The following TJP1 variants were observed in gnomAD, a reference collection of about 807,000 sequenced individuals.
TJP1 encodes the protein tight junction protein 1.
TJP1 carries 43 observed loss-of-function variants against 194.2 expected under a neutral mutation model. The ratio of observed to expected loss-of-function variants is 0.22; its 90% CI spans 0.17 to 0.29. TJP1 has a LOEUF of 0.29. Among genes scored for constraint, TJP1 ranks in the 10% least tolerant of loss-of-function variants. TJP1 has a pLI of 1.00. For synonymous variants in TJP1, 801 were observed against 779.0 expected, an observed-to-expected ratio of 1.03 and a Z score of -0.47; for missense variants, 1,971 against 2,185.7, an observed-to-expected ratio of 0.90 and a Z score of 1.96.
intron 2 of TJP1, among the ~76,000 whole-genome samples, chr15:29,845,347 A>G (rs1031844816): frequency 6.6e-6 from 1 of 152,214 alleles, no homozygotes; most frequent in African/African-American, 2.4e-5. Flanking sequence ...CTGACTATTC[A>G]TCCCAGGAAA....
intron 8 of TJP1, among the ~76,000 whole-genome samples, chr15:29,754,584 AT>A (rs2151468971): frequency 6.6e-6 from 1 of 152,322 alleles, no homozygotes; most frequent in East Asian, 1.9e-4. Flanking sequence ...AGAAAAAAAA[AT>A]GCTCATCAAT....
intron 2 of TJP1, among the ~76,000 whole-genome samples, chr15:29,887,293 T>C (rs1596187180): frequency 1.4e-5 from 2 of 148,130 alleles, no homozygotes; most frequent in East Asian, 3.9e-4. Flanking sequence ...TATAAATATA[T>C]ACATATATAT....
intron 2 of TJP1, among the ~76,000 whole-genome samples, chr15:29,899,072 G>A (rs1223219218): frequency 1.3e-5 from 2 of 152,154 alleles, no homozygotes. Flanking sequence ...ACATTACTGG[G>A]ATGATAATAA....
At chr15:29,928,239 G>A (rs2054586482) in intron 2 of TJP1, among the ~76,000 whole-genome samples, 1 of 152,120 alleles carries the variant, frequency 6.6e-6, no homozygotes. Flanking sequence ...TTTTGGCAGA[G>A]AACTGTAAAC....
At chr15:29,968,210 T>C in intron 1 of TJP1, 1 of 985,396 alleles carries the variant, frequency 1.0e-6, no homozygotes, top group Non-Finnish European at 1.2e-6. Flanking sequence ...GCTCGTCCTC[T>C]ACTATGCACT....
At chr15:29,855,855 C>T (rs991766729) in intron 2 of TJP1, among the ~76,000 whole-genome samples, 1 of 142,820 alleles carries the variant, frequency 7.0e-6, no homozygotes, top group African/African-American at 2.6e-5. Context: ...AACTCCATCT[C>T]AAAGAAAAAA....
chr15:29,705,982 A>G (rs984980679), intron 25 of TJP1, among the ~76,000 whole-genome samples: 1 of 152,164 alleles, frequency 6.6e-6, no homozygotes, highest in Non-Finnish European at 1.5e-5. Context: ...CCCAGGCTGG[A>G]GTGCAGTGGC....
At chr15:29,934,330 A>C (rs939178780) in intron 2 of TJP1, among the ~76,000 whole-genome samples, 2 of 152,230 alleles carry the variant, frequency 1.3e-5, no homozygotes, top group Non-Finnish European at 2.9e-5. Context: ...TGCCAGTTTA[A>C]GGTACAGCAT....
chr15:29,811,352 AAC>A (rs2049487716), intron 1 of TJP1, among the ~76,000 whole-genome samples: 2 of 147,468 alleles, frequency 1.4e-5, no homozygotes, highest in South Asian at 4.4e-4. Flanking sequence ...ATTTCAGAAA[AAC>A]AGATTGTAAG....
At chr15:29,853,527 A>C (rs2051727064) in intron 2 of TJP1, among the ~76,000 whole-genome samples, 1 of 152,208 alleles carries the variant, frequency 6.6e-6, no homozygotes, top group Non-Finnish European at 1.5e-5. Flanking sequence ...TCTCTGTAAC[A>C]ATTCTCATAA....
At chr15:29,722,070 G>C (rs1027647217) in intron 18 of TJP1, among the ~76,000 whole-genome samples, 18 of 152,334 alleles carry the variant, frequency 1.2e-4, no homozygotes, top group African/African-American at 4.1e-4. Flanking sequence ...GAGCATAAAA[G>C]TTTGGAAAAT....
intron 2 of TJP1, among the ~76,000 whole-genome samples, chr15:29,901,680 G>A (rs2053638680): frequency 6.6e-6 from 1 of 151,752 alleles, no homozygotes; most frequent in African/African-American, 2.4e-5. Context: ...AAATTAGCCA[G>A]CTTGGTGGCG....
Position 29,827,522 on chromosome 15 carries a change from C to T in TJP1, c.307-26820G>A, listed in dbSNP as rs777296216. 8.1e-4 allele frequency among the ~76,000 whole-genome samples: 124 copies of T among 152,186 alleles called. 2 individuals carry two copies. The highest frequency in any genetic ancestry group is 2.0e-4 in the Admixed American group (3 of 15,286). On this transcript the variant is annotated intron_variant, in intron 2 of 28. Coordinates refer to the TJP1 transcript ENST00000356107. ...CGAGTCTGGCTGTGTTCAGTCTCTT[C>T]TAGCCGGCTTGAGGCATCCTCCAGG...
intron 5 of TJP1, among the ~76,000 whole-genome samples, chr15:29,764,350 T>G (rs2046199392): frequency 1.3e-5 from 2 of 151,852 alleles, no homozygotes; most frequent in African/African-American, 4.8e-5. Flanking sequence ...AACAAATGCA[T>G]CAAAGTAATG....
chr15:29,782,317 C>T (rs2047414070), intron 2 of TJP1, among the ~76,000 whole-genome samples: 1 of 152,116 alleles, frequency 6.6e-6, no homozygotes, highest in African/African-American at 2.4e-5. Context: ...GCTACAGTAA[C>T]CAAACAGCAT....
chr15:29,811,865 T>TGAAC (rs1229473524), intron 1 of TJP1, among the ~76,000 whole-genome samples: 3 of 151,776 alleles, frequency 2.0e-5, no homozygotes. Context: ...CCAAAATGAA[T>TGAAC]GAATGAATGA....
chr15:29,710,524 GGTGT>G (rs1425307124), intron 24 of TJP1, among the ~76,000 whole-genome samples: 1 of 152,058 alleles, frequency 6.6e-6, no homozygotes, highest in Non-Finnish European at 1.5e-5. Context: ...TTTCTATTTG[GGTGT>G]GTGAGATAAA....
At chr15:29,856,769 C>A (rs1159889389) in intron 2 of TJP1, among the ~76,000 whole-genome samples, 2 of 151,540 alleles carry the variant, frequency 1.3e-5, no homozygotes, top group African/African-American at 4.9e-5. Flanking sequence ...GTCAGGAGAT[C>A]GAGACCATCC....
intron 2 of TJP1, among the ~76,000 whole-genome samples, chr15:29,855,824 C>G (rs1270413679): frequency 2.0e-5 from 3 of 151,880 alleles, no homozygotes; most frequent in African/African-American, 7.3e-5. Context: ...ACACTGCACT[C>G]CAGCCTGGGT....
Sources: allele counts gnomAD v4.1 joint callset (sites outside exome capture counted in the v4.1 genomes callset), GRCh38; gene constraint gnomAD v4.1.1; transcripts MANE v1.5; gene names NCBI Gene and HGNC (gene_info 2026-07-23, HGNC 2026-07-21).